The following ADK variants were observed in gnomAD, a reference collection of about 807,000 sequenced individuals.
The protein encoded by ADK is N6,N6-dimethyladenosine kinase.
Under a neutral mutation model 44.7 loss-of-function variants are expected in ADK, and 24 were observed. The observed-to-expected ratio is 0.54, with a 90% CI of 0.39 to 0.76. ADK has a LOEUF of 0.76. Ranked by LOEUF, ADK falls within the 30% of genes least tolerant of loss-of-function variation. The pLI is 0.00. For missense variants in ADK, 321 were observed against 425.1 expected (o/e 0.76, Z 2.15); for synonymous variants, 128 against 142.6 (o/e 0.90, Z 0.73).
chr10:74,268,294 A>AG (rs1846293929), intron 3 of ADK, among the ~76,000 whole-genome samples: 1 of 152,082 alleles, frequency 6.6e-6, no homozygotes, highest in South Asian at 2.1e-4. Flanking sequence ...CTCCAGCCTA[A>AG]GCAACAGAGC....
At chr10:74,685,888 A>AT (rs757166945) in intron 10 of ADK, among the ~76,000 whole-genome samples, 59 of 149,886 alleles carry the variant, frequency 3.9e-4, no homozygotes, top group South Asian at 6.4e-4. Context: ...AGGTTAAGGA[A>AT]TTTTTTTTTT....
chr10:74,474,512 T>C (rs1846744477), intron 6 of ADK, among the ~76,000 whole-genome samples: 1 of 151,494 alleles, frequency 6.6e-6, no homozygotes, highest in Non-Finnish European at 1.5e-5. Context: ...TTTCCTTCCC[T>C]TCCCTTCCCT....
At chr10:74,295,476 A>T (rs7905662) in intron 3 of ADK, among the ~76,000 whole-genome samples, 27,911 of 132,180 alleles carry the variant, frequency 0.21, 2,674 homozygotes, top group East Asian at 0.29. Flanking sequence ...AAAAAAAAAA[A>T]TTTTTTTAAA....
At chr10:74,178,572 A>G (rs1337432209) in intron 1 of ADK, among the ~76,000 whole-genome samples, 1 of 152,168 alleles carries the variant, frequency 6.6e-6, no homozygotes, top group Admixed American at 6.5e-5. Flanking sequence ...ACCGTGCCTC[A>G]TTGGAGAAAC....
intron 7 of ADK, among the ~76,000 whole-genome samples, chr10:74,564,559 C>T (rs779734488): frequency 6.6e-6 from 1 of 151,910 alleles, no homozygotes; most frequent in South Asian, 2.1e-4. Flanking sequence ...TTTTAAAATT[C>T]TTTGCATTTT....
intron 4 of ADK, among the ~76,000 whole-genome samples, chr10:74,352,814 T>C (rs1030163417): frequency 6.6e-6 from 1 of 152,190 alleles, no homozygotes; most frequent in Admixed American, 6.5e-5. Flanking sequence ...CATGAAAAAT[T>C]GCTCATCATC....
chr10:74,501,714 A>G (rs976425149), intron 6 of ADK, among the ~76,000 whole-genome samples: 1 of 152,204 alleles, frequency 6.6e-6, no homozygotes, highest in Admixed American at 6.5e-5. Context: ...AATGTGAGTG[A>G]ACCTCAATAT....
At chr10:74,498,533 A>G (rs1472069809) in intron 6 of ADK, among the ~76,000 whole-genome samples, 1 of 152,110 alleles carries the variant, frequency 6.6e-6, no homozygotes, top group East Asian at 1.9e-4. Flanking sequence ...TTTATTTTTT[A>G]TTTTTATTAT....
At chr10:74,416,033 T>TACAC (rs71475283) in intron 6 of ADK, among the ~76,000 whole-genome samples, 120 of 145,422 alleles carry the variant, frequency 8.3e-4, no homozygotes, top group South Asian at 3.9e-3. Context: ...CATACATATA[T>TACAC]ACACACACAC....
intron 10 of ADK, among the ~76,000 whole-genome samples, chr10:74,706,988 G>A (rs1337161257): frequency 6.6e-6 from 1 of 152,100 alleles, no homozygotes; most frequent in African/African-American, 2.4e-5. Context: ...AATATTTGAA[G>A]TATGTGAAGT....
At chr10:74,577,817 C>T (rs781465609) in intron 7 of ADK, among the ~76,000 whole-genome samples, 7 of 152,024 alleles carry the variant, frequency 4.6e-5, no homozygotes, top group South Asian at 2.1e-4. Flanking sequence ...TAAAAACTAG[C>T]GCTCTCTCTT....
chr10:74,453,557 G>A (rs1486393768), intron 6 of ADK, among the ~76,000 whole-genome samples: 1 of 152,006 alleles, frequency 6.6e-6, no homozygotes, highest in Admixed American at 6.5e-5. Context: ...CTTTTATATG[G>A]CATTTCACTT....
At position 74,396,437 on chromosome 10, in the gene ADK, G is replaced by A. The variant is rs547818648; in HGVS notation, c.447-2034G>A. On this transcript the variant is annotated intron_variant, in intron 5 of 10. Coordinates refer to ENST00000539909, the MANE Select transcript of ADK (RefSeq NM_006721.4). ...TGGTCCCCGCTGCTTGGGAGGCTGA[G>A]GTGGAAGGATTGCTTGAGCCCAGGA... Among the ~76,000 whole-genome samples the A allele has an allele frequency of 2.4e-3, 367 of 152,212 alleles. 2 individuals are homozygous for A. Among genetic ancestry groups the A allele is most frequent in the African/African-American group, 8.4e-3 (349 of 41,526 alleles).
chr10:74,588,322 A>G (rs1478358010), intron 7 of ADK, among the ~76,000 whole-genome samples: 1 of 152,108 alleles, frequency 6.6e-6, no homozygotes, highest in Admixed American at 6.5e-5. Context: ...TGTCCCAAAA[A>G]TGTCTTTTAT....
intron 6 of ADK, among the ~76,000 whole-genome samples, chr10:74,439,273 C>T (rs1845309061): frequency 6.6e-6 from 1 of 152,156 alleles, no homozygotes; most frequent in Admixed American, 6.5e-5. Context: ...CTTTCAACAT[C>T]TTTTTCAGGA....
chr10:74,661,388 C>T (rs569823511), intron 9 of ADK: 15 of 523,724 alleles, frequency 2.9e-5, no homozygotes, highest in African/African-American at 2.5e-4. Flanking sequence ...CCATGGGACT[C>T]TAGGCAGTTG....
At chr10:74,287,040 G>C (rs564508023) in intron 3 of ADK, among the ~76,000 whole-genome samples, 2 of 152,194 alleles carry the variant, frequency 1.3e-5, no homozygotes, top group South Asian at 4.2e-4. Context: ...ACAGAGACCT[G>C]CTTATGGTGA....
At chr10:74,410,334 A>G (rs1844125444) in intron 6 of ADK, among the ~76,000 whole-genome samples, 1 of 152,134 alleles carries the variant, frequency 6.6e-6, no homozygotes, top group Non-Finnish European at 1.5e-5. Flanking sequence ...GTTGTTTTGT[A>G]ATGGTAACCT....
chr10:74,372,939 C>A (rs1417947804), intron 4 of ADK, among the ~76,000 whole-genome samples: 1 of 152,096 alleles, frequency 6.6e-6, no homozygotes, highest in East Asian at 1.9e-4. Context: ...AATTAAAAAA[C>A]GTATGATGAA....
Sources: allele counts gnomAD v4.1 joint callset (sites outside exome capture counted in the v4.1 genomes callset), GRCh38; gene constraint gnomAD v4.1.1; transcripts MANE v1.5; gene names NCBI Gene and HGNC (gene_info 2026-07-23, HGNC 2026-07-21).